The following CACNA1G variants were observed in gnomAD, a reference collection of about 807,000 sequenced individuals.
CACNA1G encodes calcium voltage-gated channel subunit alpha1 G, also known as voltage-dependent T-type calcium channel subunit alpha-1G.
A neutral mutation model predicts 219.4 loss-of-function variants in CACNA1G; 67 were observed. The observed-to-expected ratio is 0.31, with a 90% CI of 0.25 to 0.37. The LOEUF (loss-of-function observed/expected upper bound fraction) is 0.37, where lower values mean the gene tolerates loss of function less well. CACNA1G is among the 10% of genes least tolerant of loss of function. The pLI, the probability that CACNA1G is intolerant of heterozygous loss-of-function variation, is 1.00. For missense variants in CACNA1G, 2,380 were observed against 3,231.4 expected (o/e 0.74, Z 6.39); for synonymous variants, 1,296 against 1,345.3 (o/e 0.96, Z 0.80).
At position 50,618,826 on chromosome 17, in the gene CACNA1G, C is replaced by A; in HGVS notation, c.5599C>A (p.Leu1867Ile). 6.2e-7 allele frequency: 1 copy of A among 1,613,882 alleles called. No individual in the cohort carries two copies. The highest frequency in any genetic ancestry group is 8.5e-7 in the Non-Finnish European group (1 of 1,179,880). Residue 1867 changes from leucine to isoleucine, a missense_variant, in exon 33 of 38, where the codon CTA becomes ATA. Coordinates refer to ENST00000359106, the MANE Select transcript of CACNA1G (RefSeq NM_018896.5). This position sits in a 1 kb window ranked among gnomAD's most constrained non-coding sequence, Gnocchi z 5.3. ...SNKEAKEEAE[L>I]EAELELEMKT... The stretch of plus-strand genomic sequence containing the variant: ...CAAGGAGGCCAAGGAGGAGGCCGAG[C>A]TAGAGGCTGAGCTGGAGCTGGAGAT...
rs750907508 is a variant in CACNA1G, at chr17:50,621,798, C to G, written c.6060+4C>G. 5.0e-6 allele frequency: 8 copies of G among 1,613,512 alleles called. No individual in the cohort carries two copies. In the Admixed American group the frequency reaches 1.2e-4, roughly 24 times the overall value. ...ACTTAGTGCCCTGGAGAGCAATGTA[C>G]ATACACACTGCCCTCACTGCTCCCG... On this transcript the variant is annotated splice_donor_region_variant and intron_variant, in intron 35 of 37. Transcript: ENST00000359106. This position sits in a 1 kb window ranked among gnomAD's most constrained non-coding sequence, Gnocchi z 4.6.
At position 50,612,892 on chromosome 17, in the gene CACNA1G, C is replaced by T. The variant is rs543926989; in HGVS notation, c.4760-2469C>T. ...GCATCAGTGACCACAGGTCCAGGCT[C>T]CTCCTGGACTATGGTTGGAGCTCTC... On this transcript the variant is annotated intron_variant, in intron 26 of 37. Transcript: ENST00000359106. Among the ~76,000 whole-genome samples, 9 of 152,352 alleles carry T rather than the reference C, an allele frequency of 5.9e-5. No individual in the cohort carries two copies. In the South Asian group the frequency reaches 1.7e-3, roughly 28 times the overall value.
At position 50,619,709 on chromosome 17, in the gene CACNA1G, C is replaced by A; in HGVS notation, c.5808C>A (p.Ser1936=). 6.2e-7 allele frequency: 1 copy of A among 1,610,720 alleles called. No individual in the cohort carries two copies. Residue 1936 remains serine, a synonymous_variant, in exon 34 of 38, where the codon TCC becomes TCA. Coordinates refer to ENST00000359106, the MANE Select transcript of CACNA1G (RefSeq NM_018896.5). The part of the protein sequence containing the change: ...PTDRQLFDTI[S]LLIQGSLEWE... ...ACAGGCAGCTGTTTGACACCATATC[C>A]CTGCTGATCCAGGGCTCCCTGGAGT...
intron 26 of CACNA1G, among the ~76,000 whole-genome samples, chr17:50,610,147 C>T (rs971930322): frequency 2.6e-5 from 4 of 152,224 alleles, no homozygotes; most frequent in Non-Finnish European, 5.9e-5. Context: ...TGCCGACGCC[C>T]TTTGGAGAGC....
rs1325892594 is a variant in CACNA1G, at chr17:50,626,824, C to G, written c.*73C>G. The G allele has an allele frequency of 1.3e-6, 2 of 1,599,456 alleles. No individual in the cohort carries two copies. Among genetic ancestry groups the G allele is most frequent in the Admixed American group, 1.7e-5 (1 of 59,986 alleles). On this transcript the variant is annotated 3_prime_UTR_variant, in exon 38 of 38. Coordinates refer to ENST00000359106, the MANE Select transcript of CACNA1G (RefSeq NM_018896.5). This position sits in a 1 kb window ranked among gnomAD's most constrained non-coding sequence, Gnocchi z 4.3. ...CTAGCTCCTCCTCCTGGGCTATATT[C>G]CTGACAAAAGTTCCATATAGACACC...
At chr17:50,569,448 C>T in intron 3 of CACNA1G, 150 bp downstream of exon 3, 2 of 833,366 alleles carry the variant, frequency 2.4e-6, no homozygotes, top group East Asian at 2.6e-5. Flanking sequence ...GCTGCCCTGC[C>T]TCTAGCACTG....
At chr17:50,564,069 C>T (rs2036902681) in intron 1 of CACNA1G, among the ~76,000 whole-genome samples, 1 of 151,238 alleles carries the variant, frequency 6.6e-6, no homozygotes, top group South Asian at 2.1e-4. Flanking sequence ...TGCTTCTTGG[C>T]CTCTCCTTTT....
At position 50,596,219 on chromosome 17, in the gene CACNA1G, C is replaced by T. The variant is rs2045510847; in HGVS notation, c.2980-343C>T. 1.3e-5 allele frequency among the ~76,000 whole-genome samples: 2 copies of T among 152,206 alleles called. No individual in the cohort carries two copies. The highest frequency in any genetic ancestry group is 4.1e-4 in the South Asian group (2 of 4,832). ...CTCTAGTGACCACTTCACTCAGGTC[C>T]CCAGGTCCCCAGCCCCCTCTGGCCT... On this transcript the variant is annotated intron_variant, in intron 14 of 37. Transcript: ENST00000359106. This position sits in a 1 kb window ranked among gnomAD's most constrained non-coding sequence, Gnocchi z 4.8.
In CACNA1G at chr17:50,601,125, A is replaced by G. The variant is rs2046540162; in HGVS notation, c.3866A>G (p.Asn1289Ser). ...GTGGTCCTTGTCATCATCTTCCTTA[A>G]CTGCATCACCATCGCCATGGAGCGC... ...DHVVLVIIFL[N>S]CITIAMERPK... is the part of the protein sequence containing the mutation. Residue 1289 changes from asparagine (N) to serine (S), a missense_variant, in exon 19 of 38, where the codon AAC becomes AGC. Asn to Ser is a conservative substitution (Grantham distance 46). Around this residue, in one of 17 missense-constraint regions of CACNA1G, gnomAD observed 153 missense variants for 374.9 expected, o/e 0.41. Transcript: ENST00000359106. 1 of 1,613,784 alleles carries G rather than the reference A, an allele frequency of 6.2e-7. No homozygotes were observed. The highest frequency in any genetic ancestry group is 8.5e-7 in the Non-Finnish European group (1 of 1,179,814).
At chr17:50,585,837 G>A (rs1030211217) in intron 9 of CACNA1G, among the ~76,000 whole-genome samples, 1 of 152,188 alleles carries the variant, frequency 6.6e-6, no homozygotes, top group Non-Finnish European at 1.5e-5. Flanking sequence ...GCCTGTCTGT[G>A]CCCCTGTCCT....
chr17:50,593,603 G>T (rs2044839953), intron 13 of CACNA1G, among the ~76,000 whole-genome samples: 1 of 152,234 alleles, frequency 6.6e-6, no homozygotes. Flanking sequence ...GGGGCGGCCT[G>T]GTCACTCTGG....
intron 34 of CACNA1G, among the ~76,000 whole-genome samples, chr17:50,620,366 A>C (rs763612818): frequency 6.6e-5 from 10 of 152,308 alleles, no homozygotes; most frequent in South Asian, 2.1e-4. Context: ...CTGTCCTGAG[A>C]GAGATAGAAG....
intron 8 of CACNA1G, among the ~76,000 whole-genome samples, chr17:50,576,986 C>G (rs1256067257): frequency 6.6e-6 from 1 of 152,178 alleles, no homozygotes; most frequent in Non-Finnish European, 1.5e-5. Context: ...CCCCAGCAGA[C>G]AGGTTCACTG....
rs1324262882 is a variant in CACNA1G, at chr17:50,606,036, C to A, written c.4422+13C>A. On this transcript the variant is annotated intron_variant, in intron 23 of 37. Transcript: ENST00000359106. Reference sequence around the variant, plus strand: ...CAACCTTGGCCAGGTGAGCCCCAGGCTCAGAGGTGGGGCTGTGGTGAAGGA... The same window carrying A: ...CAACCTTGGCCAGGTGAGCCCCAGGATCAGAGGTGGGGCTGTGGTGAAGGA... 1.2e-6 allele frequency: 2 copies of A among 1,613,824 alleles called. No homozygotes were observed. Among genetic ancestry groups the A allele is most frequent in the South Asian group, 2.2e-5 (2 of 91,082 alleles).
In CACNA1G at chr17:50,599,550, G is replaced by A; in HGVS notation, c.3381G>A (p.Glu1127=). 6.2e-7 allele frequency: 1 copy of A among 1,612,888 alleles called. No individual in the cohort carries two copies. The highest frequency in any genetic ancestry group is 8.5e-7 in the Non-Finnish European group (1 of 1,179,574). Reference sequence around the variant, plus strand: ...TGAAGCGGAGAAGCCCAAGTGGAGAGCGGCGGTCCCTGTTGTCGGGAGAAG... The same window carrying A: ...TGAAGCGGAGAAGCCCAAGTGGAGAACGGCGGTCCCTGTTGTCGGGAGAAG... ...PSLKRRSPSG[E]RRSLLSGEGQ... The change falls in exon 17 of 38, where the codon GAG becomes GAA. Residue 1127 remains glutamate, a synonymous_variant. Transcript: ENST00000359106.
intron 1 of CACNA1G, among the ~76,000 whole-genome samples, chr17:50,566,774 G>A (rs1240247622): frequency 3.3e-5 from 5 of 152,226 alleles, no homozygotes; most frequent in Non-Finnish European, 5.9e-5. Context: ...AGGCACTACA[G>A]CAAGCTCCGT....
chr17:50,594,622 T>C (rs1035165733), intron 13 of CACNA1G, among the ~76,000 whole-genome samples: 2 of 152,196 alleles, frequency 1.3e-5, no homozygotes, highest in Admixed American at 6.5e-5. Flanking sequence ...TTGTGTAAGA[T>C]GGCGATCCTG....
chr17:50,599,497 C>T lies in CACNA1G; in HGVS notation c.3328C>T (p.Arg1110Trp), dbSNP rs772013231. 1.6e-5 allele frequency: 26 copies of T among 1,601,062 alleles called. 1 individual carries two copies. The highest frequency in any genetic ancestry group is 6.8e-5 in the East Asian group (3 of 44,348). Residue 1110 changes from arginine (R) to tryptophan (W), a missense_variant, in exon 17 of 38, where the codon CGG becomes TGG. Arg to Trp is a moderately radical substitution (Grantham distance 101, BLOSUM62 -3). Coordinates refer to ENST00000359106, the MANE Select transcript of CACNA1G (RefSeq NM_018896.5). ...ASSWTSRRSS[R>W]NSLGRAPSLK... is the part of the protein sequence containing the mutation. The stretch of plus-strand genomic sequence containing the variant: ...CAGCTGGACCAGCAGGCGCTCCAGC[C>T]GGAACAGCCTCGGCCGTGCACCCAG...
chr17:50,576,942 G>C (rs2040803027), intron 8 of CACNA1G, among the ~76,000 whole-genome samples: 1 of 152,218 alleles, frequency 6.6e-6, no homozygotes, highest in South Asian at 2.1e-4. Context: ...CCAGTGTCGT[G>C]GGGGCAGTGA....
Sources: allele counts gnomAD v4.1 joint callset (sites outside exome capture counted in the v4.1 genomes callset), GRCh38; gene constraint gnomAD v4.1.1; regional missense constraint gnomAD v4.1.1; non-coding constraint Gnocchi (gnomAD v3.1); transcripts MANE v1.5; gene names NCBI Gene and HGNC (gene_info 2026-07-23, HGNC 2026-07-21).